PLXDC2: variants seen among roughly 807,000 people sequenced by gnomAD.
PLXDC2 encodes the protein plexin domain-containing protein 2.
A neutral mutation model predicts 68.9 loss-of-function variants in PLXDC2; 40 were observed. That is an observed-to-expected ratio of 0.58 (90% CI 0.45 to 0.76). PLXDC2 has a LOEUF of 0.76. Ranked by LOEUF, PLXDC2 falls within the 30% of genes least tolerant of loss-of-function variation. The pLI, the probability that PLXDC2 is intolerant of heterozygous loss-of-function variation, is 0.00. For synonymous variants in PLXDC2, 243 were observed against 234.2 expected (o/e 1.04, Z -0.34); for missense variants, 644 against 661.9 (o/e 0.97, Z 0.30).
intron 1 of PLXDC2, among the ~76,000 whole-genome samples, chr10:19,893,471 G>A (rs1427105949): frequency 2.0e-5 from 3 of 152,178 alleles, no homozygotes; most frequent in African/African-American, 7.2e-5. Flanking sequence ...AGTCGTAAAT[G>A]TCTTTAGAAA....
chr10:19,962,044 T>C (rs1012984413), intron 1 of PLXDC2, among the ~76,000 whole-genome samples: 1 of 152,182 alleles, frequency 6.6e-6, no homozygotes, highest in African/African-American at 2.4e-5. Flanking sequence ...GAGGTGTTTT[T>C]AGTGACGATA....
intron 4 of PLXDC2, among the ~76,000 whole-genome samples, chr10:20,084,516 A>G (rs1333312383): frequency 6.6e-6 from 1 of 152,176 alleles, no homozygotes; most frequent in Non-Finnish European, 1.5e-5. Flanking sequence ...GAGAAGACTC[A>G]GTAATACCTT....
At chr10:20,250,022 C>T (rs1026434630) in intron 13 of PLXDC2, among the ~76,000 whole-genome samples, 2 of 152,092 alleles carry the variant, frequency 1.3e-5, no homozygotes, top group African/African-American at 4.8e-5. Context: ...AATCCCAGCA[C>T]TTTGGGAGGC....
intron 4 of PLXDC2, among the ~76,000 whole-genome samples, chr10:20,097,950 A>G: frequency 6.7e-6 from 1 of 148,586 alleles, no homozygotes; most frequent in Non-Finnish European, 1.5e-5. Flanking sequence ...ATATTTATAT[A>G]GTATTATATA....
At position 20,177,190 on chromosome 10, in the gene PLXDC2, A is replaced by G; in HGVS notation, c.979+96A>G. ...ATAATAATCATATTAAATAATTACCATTATAATTGTGTTTGGCATGCATGG... is the reference window on the plus strand; with the variant it reads ...ATAATAATCATATTAAATAATTACCGTTATAATTGTGTTTGGCATGCATGG... On this transcript the variant is annotated intron_variant, in intron 8 of 13. Coordinates refer to ENST00000377252, the MANE Select transcript of PLXDC2 (RefSeq NM_032812.9). 7.4e-6 allele frequency: 10 copies of G among 1,353,182 alleles called. No individual in the cohort carries two copies. The South Asian group carries it at 9.4e-5, about 13-fold the overall frequency. The allele number at this position is 1,353,182 out of a possible 1,614,324, so 83.8% of individuals were successfully genotyped here.
At chr10:20,231,977 A>G (rs535292984) in intron 12 of PLXDC2, among the ~76,000 whole-genome samples, 1 of 151,734 alleles carries the variant, frequency 6.6e-6, no homozygotes, top group Non-Finnish European at 1.5e-5. Flanking sequence ...TCCAGCTCCA[A>G]CCTGGGTGAC....
At chr10:19,906,419 C>A (rs59062639) in intron 1 of PLXDC2, among the ~76,000 whole-genome samples, 1 of 152,112 alleles carries the variant, frequency 6.6e-6, no homozygotes, top group East Asian at 1.9e-4. Context: ...ATGGTTTATG[C>A]AGAAATAAAC....
intron 10 of PLXDC2, among the ~76,000 whole-genome samples, chr10:20,216,117 A>T (rs10764213): frequency 0.89 from 135,322 of 151,792 alleles, 60,547 homozygotes; most frequent in East Asian, 0.92. Flanking sequence ...TAAAAAAAAA[A>T]AAAAATAAAA....
intron 13 of PLXDC2, among the ~76,000 whole-genome samples, chr10:20,259,022 A>G (rs1835778493): frequency 1.3e-5 from 2 of 150,274 alleles, no homozygotes; most frequent in Non-Finnish European, 3.0e-5. Flanking sequence ...AAAAAAAAAA[A>G]GAAAAGAAAG....
chr10:20,119,673 T>G (rs1437541660), intron 4 of PLXDC2, among the ~76,000 whole-genome samples: 1 of 151,822 alleles, frequency 6.6e-6, no homozygotes, highest in Non-Finnish European at 1.5e-5. Context: ...AGCGAAAATT[T>G]TGGGAGATGG....
rs1018635 is a variant in PLXDC2, at chr10:19,937,743, T to A, written c.113-64032T>A. Reference sequence around the variant, plus strand: ...TTTCTTGCCACACTCTGTGGCAGGGTGGGCCATCTCTGGGCAGGTTCATCT... The same window carrying A: ...TTTCTTGCCACACTCTGTGGCAGGGAGGGCCATCTCTGGGCAGGTTCATCT... On this transcript the variant is annotated intron_variant, in intron 1 of 13. Transcript: ENST00000377252. 2.6e-5 allele frequency among the ~76,000 whole-genome samples: 4 copies of A among 151,550 alleles called. No homozygotes were observed. In the East Asian group the frequency reaches 5.9e-4, roughly 22 times the overall value.
intron 4 of PLXDC2, among the ~76,000 whole-genome samples, chr10:20,126,886 T>G (rs1453887701): frequency 6.8e-6 from 1 of 148,002 alleles, no homozygotes; most frequent in Admixed American, 6.8e-5. Context: ...ATATGATATA[T>G]ACTATATAAT....
intron 1 of PLXDC2, among the ~76,000 whole-genome samples, chr10:19,918,413 T>G (rs2131378950): frequency 6.6e-6 from 1 of 152,236 alleles, no homozygotes; most frequent in African/African-American, 2.4e-5. Context: ...AGTCAGTCCA[T>G]TCTCTACATT....
At chr10:19,879,307 G>T (rs546937029) in intron 1 of PLXDC2, among the ~76,000 whole-genome samples, 1 of 152,232 alleles carries the variant, frequency 6.6e-6, no homozygotes, top group South Asian at 2.1e-4. Context: ...TACTATGAGA[G>T]TATCAGAGTG....
intron 6 of PLXDC2, among the ~76,000 whole-genome samples, chr10:20,162,208 A>C (rs532682565): frequency 6.6e-6 from 1 of 152,178 alleles, no homozygotes. Context: ...GGTGGAATGC[A>C]TAATCTGGAG....
At chr10:19,903,513 A>G (rs192261322) in intron 1 of PLXDC2, among the ~76,000 whole-genome samples, 9 of 151,922 alleles carry the variant, frequency 5.9e-5, no homozygotes, top group Non-Finnish European at 1.3e-4. Flanking sequence ...CTGTGGTATC[A>G]GTTGTAATAT....
intron 7 of PLXDC2, among the ~76,000 whole-genome samples, chr10:20,165,111 C>A (rs1050463214): frequency 6.6e-6 from 1 of 152,276 alleles, no homozygotes; most frequent in Middle Eastern, 3.4e-3. Flanking sequence ...GCGTGAGCCA[C>A]CATGCCCAGC....
intron 1 of PLXDC2, among the ~76,000 whole-genome samples, chr10:19,822,079 C>T (rs1836476901): frequency 6.6e-6 from 1 of 151,718 alleles, no homozygotes; most frequent in African/African-American, 2.4e-5. Context: ...TTCATCCATG[C>T]TATCACAAAT....
At chr10:20,018,009 A>G (rs1408863876) in intron 2 of PLXDC2, among the ~76,000 whole-genome samples, 1 of 152,180 alleles carries the variant, frequency 6.6e-6, no homozygotes, top group Non-Finnish European at 1.5e-5. Context: ...GCATGTAGGA[A>G]CCTGGGCCCA....
Sources: gnomAD v4.1 joint callset for allele counts (sites outside exome capture counted in the v4.1 genomes callset) on GRCh38, gnomAD v4.1.1 for gene constraint, MANE v1.5 for transcripts, NCBI Gene and HGNC (gene_info 2026-07-23, HGNC 2026-07-21) for gene names.